The following ATP6V0D2 variants were observed in gnomAD, a reference collection of about 807,000 sequenced individuals.
ATP6V0D2 encodes ATPase H+ transporting V0 subunit d2.
ATP6V0D2 carries 40 observed loss-of-function variants against 40.0 expected under a neutral mutation model. The ratio of observed to expected loss-of-function variants is 1.00; its 90% CI spans 0.78 to 1.30. The LOEUF (loss-of-function observed/expected upper bound fraction) is 1.30, where lower values mean the gene tolerates loss of function less well. ATP6V0D2 is among the 50% of genes most tolerant of loss of function. The pLI, the probability that ATP6V0D2 is intolerant of heterozygous loss-of-function variation, is 0.00. For missense variants in ATP6V0D2, 470 were observed against 423.1 expected, an observed-to-expected ratio of 1.11 and a Z score of -0.97; for synonymous variants, 179 against 156.3, an observed-to-expected ratio of 1.15 and a Z score of -1.08.
intron 2 of ATP6V0D2, among the ~76,000 whole-genome samples, chr8:86,120,597 T>C (rs1397330128): frequency 6.6e-6 from 1 of 152,090 alleles, no homozygotes; most frequent in Non-Finnish European, 1.5e-5. Flanking sequence ...AAGGCTGCAT[T>C]CTTCCATTAG....
rs77595258 is a variant in ATP6V0D2, at chr8:86,151,755, C to T, written c.891+215C>T. ...CTGCTAAAGTTTGTAGCTTTTCTTT[C>T]TTTTTTTTTTTTTTTTTTATACCCT... is the stretch of plus-strand genomic sequence containing the variant. On this transcript the variant is annotated intron_variant, in intron 7 of 7. Coordinates refer to ENST00000285393, the MANE Select transcript of ATP6V0D2 (RefSeq NM_152565.1). Among the ~76,000 whole-genome samples the T allele has an allele frequency of 5.5e-3, 470 of 85,308 alleles. 21 individuals are homozygous for T. Among genetic ancestry groups the T allele is most frequent in the Middle Eastern group, 0.011 (2 of 176 alleles). The allele number at this position is 85,308 out of a possible 152,430, so 56.0% of individuals were successfully genotyped here. A position where few individuals can be genotyped will look rare whatever the true frequency, so the allele number is the denominator to read the frequency against.
intron 5 of ATP6V0D2, among the ~76,000 whole-genome samples, chr8:86,149,654 C>T (rs1432607166): frequency 6.6e-6 from 1 of 152,170 alleles, no homozygotes; most frequent in Middle Eastern, 3.2e-3. Context: ...GTTATGCTGA[C>T]ATTGACAACT....
chr8:86,118,244 T>A (rs539648784), intron 2 of ATP6V0D2, among the ~76,000 whole-genome samples: 17 of 144,474 alleles, frequency 1.2e-4, no homozygotes, highest in Middle Eastern at 7.4e-3. Context: ...TATTTTTTTT[T>A]ATTTTTTTTA....
intron 3 of ATP6V0D2, among the ~76,000 whole-genome samples, chr8:86,141,078 A>G (rs1818964667): frequency 6.6e-6 from 1 of 152,102 alleles, no homozygotes; most frequent in Non-Finnish European, 1.5e-5. Flanking sequence ...GCTGCCGTTG[A>G]TCTGACAGGA....
rs1409996410 is a variant in ATP6V0D2 at position 86,113,775 on chromosome 8, C to T, written c.197C>T (p.Thr66Ile). 2 of 1,613,774 alleles carry T rather than the reference C, an allele frequency of 1.2e-6. No homozygotes were observed. The highest frequency in any genetic ancestry group is 8.5e-7 in the Non-Finnish European group (1 of 1,179,878). Residue 66 changes from threonine (T) to isoleucine (I), a missense_variant, in exon 2 of 8, where the codon ACT becomes ATT. Thr to Ile is a moderately conservative substitution (Grantham distance 89, BLOSUM62 -1). Transcript: ENST00000285393. Reference protein sequence around the residue: ...NFLANHTNPLTVSKIDTEMRK... With the variant: ...NFLANHTNPLIVSKIDTEMRK... ...TTGGCTAATCACACAAATCCTCTTA[C>T]TGTTTCCAAAATTGACACTGAGATG...
At chr8:86,104,860 C>CAA (rs1818449583) in intron 1 of ATP6V0D2, among the ~76,000 whole-genome samples, 1 of 151,524 alleles carries the variant, frequency 6.6e-6, no homozygotes, top group Non-Finnish European at 1.5e-5. Context: ...TACACACACA[C>CAA]ACACACACAC....
intron 5 of ATP6V0D2, among the ~76,000 whole-genome samples, chr8:86,143,660 G>A (rs922456008): frequency 1.3e-5 from 2 of 152,142 alleles, no homozygotes; most frequent in South Asian, 2.1e-4. Context: ...ACTGCAACCT[G>A]TTTTATCAGC....
chr8:86,126,760 G>T (rs148544621), intron 2 of ATP6V0D2, among the ~76,000 whole-genome samples: 1 of 152,148 alleles, frequency 6.6e-6, no homozygotes, highest in African/African-American at 2.4e-5. Context: ...TAAAGGATTG[G>T]TAAGGAAGGG....
At chr8:86,130,603 A>C (rs1422198460) in intron 2 of ATP6V0D2, among the ~76,000 whole-genome samples, 2 of 152,188 alleles carry the variant, frequency 1.3e-5, no homozygotes, top group Non-Finnish European at 2.9e-5. Flanking sequence ...TAGGGCAACC[A>C]TAAGACAAAT....
chr8:86,142,898 A>G lies in ATP6V0D2; in HGVS notation c.583A>G (p.Lys195Glu), dbSNP rs749728478. ...TAAGTCTTACCTTGAGGCATTCTAT[A>G]AATTCTGTAAGAATCATGGTGATGT... The part of the protein sequence containing the change: ...LYKSYLEAFY[K>E]FCKNHGDVTA... The change falls in exon 5 of 8, where the codon AAA (lysine) becomes GAA (glutamate). Residue 195 changes from lysine to glutamate, a missense_variant. Physicochemically the swap from Lys to Glu is moderately conservative, Grantham distance 56 (BLOSUM62 1). Transcript: ENST00000285393. 4.9e-5 allele frequency: 79 copies of G among 1,608,598 alleles called. No individual in the cohort carries two copies. Among genetic ancestry groups the G allele is most frequent in the Non-Finnish European group, 5.9e-5 (70 of 1,176,530 alleles).
At chr8:86,108,764 A>C (rs886998971) in intron 1 of ATP6V0D2, among the ~76,000 whole-genome samples, 1 of 152,188 alleles carries the variant, frequency 6.6e-6, no homozygotes, top group Non-Finnish European at 1.5e-5. Flanking sequence ...TAGTCTGCCA[A>C]CAAATTAGTA....
chr8:86,101,462 G>GAAAAA (rs59915079), intron 1 of ATP6V0D2, among the ~76,000 whole-genome samples: 6 of 78,194 alleles, frequency 7.7e-5, no homozygotes, highest in Admixed American at 1.7e-4. Context: ...CCTGTCTCAG[G>GAAAAA]AAAAAAAAAA....
chr8:86,145,682 C>A (rs1819060309), intron 5 of ATP6V0D2, among the ~76,000 whole-genome samples: 1 of 152,170 alleles, frequency 6.6e-6, no homozygotes, highest in African/African-American at 2.4e-5. Flanking sequence ...TTCATAAATT[C>A]AACTACTAGC....
chr8:86,137,079 A>G (rs969067511), intron 2 of ATP6V0D2, among the ~76,000 whole-genome samples: 13 of 152,104 alleles, frequency 8.5e-5, no homozygotes, highest in Admixed American at 8.5e-4. Flanking sequence ...CTCTTCCTTC[A>G]AGGTCAGCTT....
chr8:86,144,688 G>A (rs1239531563), intron 5 of ATP6V0D2, among the ~76,000 whole-genome samples: 1 of 152,040 alleles, frequency 6.6e-6, no homozygotes, highest in Admixed American at 6.6e-5. Flanking sequence ...TTTTGAGACA[G>A]GGTCTCACTC....
At chr8:86,151,657 A>G in intron 7 of ATP6V0D2, 117 bp downstream of exon 7, 1 of 712,098 alleles carries the variant, frequency 1.4e-6, no homozygotes, top group East Asian at 2.9e-5. Flanking sequence ...AGGCACATTC[A>G]TAGCTTGATA....
intron 5 of ATP6V0D2, among the ~76,000 whole-genome samples, chr8:86,148,068 T>G (rs554418817): frequency 9.8e-5 from 15 of 152,312 alleles, no homozygotes; most frequent in African/African-American, 3.6e-4. Flanking sequence ...TGTTTGCCAG[T>G]CTGCAATGCT....
intron 3 of ATP6V0D2, 124 bp from the exon 4 acceptor site, chr8:86,141,326 T>C: frequency 1.6e-6 from 1 of 613,756 alleles, no homozygotes; most frequent in Non-Finnish European, 2.9e-6. Flanking sequence ...GTGGAGTGTA[T>C]GGATTGCAAC....
chr8:86,150,318 C>T lies in ATP6V0D2; in HGVS notation c.816+30C>T, dbSNP rs1412547878. 7 of 1,595,064 alleles carry T rather than the reference C, an allele frequency of 4.4e-6. No homozygotes were observed. In the African/African-American group the frequency reaches 6.7e-5, roughly 15 times the overall value. ...GTGATGACACTGGCTTCCCTAAGTC[C>T]TTTGTGTTCATTCATTTCCATGTGC... On this transcript the variant is annotated intron_variant, in intron 6 of 7. Transcript: ENST00000285393.
Sources: gnomAD v4.1 joint callset for allele counts (sites outside exome capture counted in the v4.1 genomes callset) on GRCh38, gnomAD v4.1.1 for gene constraint, MANE v1.5 for transcripts, NCBI Gene and HGNC (gene_info 2026-07-23, HGNC 2026-07-21) for gene names.